Variants in HEMK2 observed in about 807,000 individuals in gnomAD.
The protein encoded by HEMK2 is methyltransferase HEMK2.
the HEMK2 span, among the ~76,000 whole-genome samples, chr21:28,645,237 T>G: frequency 3.9e-5 from 6 of 152,308 alleles, no homozygotes; most frequent in East Asian, 1.2e-3. Flanking sequence ...ACCAGGAAAT[T>G]CATTTAGGGA....
the HEMK2 span, among the ~76,000 whole-genome samples, chr21:28,860,159 G>C: frequency 6.6e-6 from 1 of 152,158 alleles, no homozygotes; most frequent in South Asian, 2.1e-4. Context: ...ATTAAAATTT[G>C]AGTCACTGGG....
chr21:28,597,958 C>T, the HEMK2 span, among the ~76,000 whole-genome samples: 1 of 151,676 alleles, frequency 6.6e-6, no homozygotes, highest in African/African-American at 2.4e-5. Context: ...GGGATAGGAG[C>T]AACAAAAGAA....
At chr21:28,827,532 C>G in the HEMK2 span, among the ~76,000 whole-genome samples, 170 of 152,332 alleles carry the variant, frequency 1.1e-3, 2 homozygotes, top group Non-Finnish European at 2.5e-4. Flanking sequence ...ACTCAATCCT[C>G]AGCCCTGCGT....
chr21:28,798,216 G>C, the HEMK2 span, among the ~76,000 whole-genome samples: 1 of 152,078 alleles, frequency 6.6e-6, no homozygotes, highest in Non-Finnish European at 1.5e-5. Context: ...GTTTGAGGAG[G>C]GTGTTTAAAA....
chr21:28,673,051 GGAAA>G, the HEMK2 span, among the ~76,000 whole-genome samples: 189 of 147,930 alleles, frequency 1.3e-3, no homozygotes, highest in African/African-American at 4.5e-3. Context: ...GAGGGAGGAA[GGAAA>G]GAAAGAAAAG....
At chr21:28,714,222 GT>G in the HEMK2 span, among the ~76,000 whole-genome samples, 4 of 151,996 alleles carry the variant, frequency 2.6e-5, no homozygotes, top group Admixed American at 2.6e-4. Context: ...CTAATGTATT[GT>G]TTGTGTTCTT....
At chr21:28,831,590 G>GAAA in the HEMK2 span, among the ~76,000 whole-genome samples, 13 of 60,440 alleles carry the variant, frequency 2.2e-4, no homozygotes, top group African/African-American at 9.3e-4. Context: ...AAGGAAAGAA[G>GAAA]GAAAGAAGGA....
chr21:28,737,839 T>C, the HEMK2 span, among the ~76,000 whole-genome samples: 1 of 152,040 alleles, frequency 6.6e-6, no homozygotes, highest in Non-Finnish European at 1.5e-5. Context: ...CTCTGGGAGG[T>C]GTCCATTGCT....
the HEMK2 span, among the ~76,000 whole-genome samples, chr21:28,745,738 C>G: frequency 1.3e-5 from 2 of 152,156 alleles, no homozygotes; most frequent in Non-Finnish European, 2.9e-5. Flanking sequence ...ATAACACACC[C>G]CTTCCCAACA....
At chr21:28,841,263 A>ATATATATAATATATAT in the HEMK2 span, among the ~76,000 whole-genome samples, 6 of 8,472 alleles carry the variant, frequency 7.1e-4, no homozygotes, top group African/African-American at 6.6e-3. Flanking sequence ...ATTATATATA[A>ATATATATAATATATAT]TATATATTAT....
At chr21:28,657,868 A>C in the HEMK2 span, among the ~76,000 whole-genome samples, 1 of 152,044 alleles carries the variant, frequency 6.6e-6, no homozygotes, top group Non-Finnish European at 1.5e-5. Flanking sequence ...ACAGCTCTTT[A>C]CCCTAGGGCT....
the HEMK2 span, among the ~76,000 whole-genome samples, chr21:28,819,345 T>C: frequency 4.6e-5 from 7 of 151,728 alleles, no homozygotes; most frequent in Non-Finnish European, 1.0e-4. Flanking sequence ...CATGTGTTTA[T>C]ACATATTTTT....
At chr21:28,626,686 C>G in the HEMK2 span, 3 of 151,836 alleles carry the variant, frequency 2.0e-5, no homozygotes, top group East Asian at 5.8e-4. Context: ...TCTACATAAA[C>G]AATAAAATGA....
the HEMK2 span, among the ~76,000 whole-genome samples, chr21:28,726,995 A>T: frequency 6.6e-6 from 1 of 152,170 alleles, no homozygotes; most frequent in Non-Finnish European, 1.5e-5. Context: ...AGTTTTCTCA[A>T]TATCAGTACT....
At chr21:28,844,256 A>C in the HEMK2 span, among the ~76,000 whole-genome samples, 1 of 152,076 alleles carries the variant, frequency 6.6e-6, no homozygotes, top group Admixed American at 6.6e-5. Context: ...GCTGATGGTC[A>C]TTCTTTCAAA....
At chr21:28,602,153 T>C in the HEMK2 span, among the ~76,000 whole-genome samples, 2 of 152,346 alleles carry the variant, frequency 1.3e-5, no homozygotes, top group Admixed American at 6.5e-5. Context: ...TTTTTTTTCT[T>C]CTTGGAAAAC....
chr21:28,690,901 G>A, the HEMK2 span, among the ~76,000 whole-genome samples: 7 of 151,944 alleles, frequency 4.6e-5, no homozygotes, highest in African/African-American at 7.3e-5. Flanking sequence ...AGCTTCTCTC[G>A]GTCAGGATTT....
chr21:28,839,010 T>TATATATAC, the HEMK2 span, among the ~76,000 whole-genome samples: 2 of 72,282 alleles, frequency 2.8e-5, no homozygotes, highest in African/African-American at 1.5e-4. Flanking sequence ...TACATATATA[T>TATATATAC]ACACAATCTG....
At chr21:28,673,158 A>G in the HEMK2 span, among the ~76,000 whole-genome samples, 1 of 148,138 alleles carries the variant, frequency 6.8e-6, no homozygotes, top group East Asian at 2.1e-4. Flanking sequence ...GAAGGAAGGA[A>G]GGAAGGGAGG....
Sources: gnomAD v4.1 joint callset for allele counts (sites outside exome capture counted in the v4.1 genomes callset) on GRCh38, gnomAD v4.1.1 for gene constraint, MANE v1.5 for transcripts, NCBI Gene and HGNC (gene_info 2026-07-23, HGNC 2026-07-21) for gene names.